AGBL1: variants seen among roughly 807,000 people sequenced by gnomAD.
AGBL1 encodes the protein AGBL carboxypeptidase 1.
Under a neutral mutation model 118.9 loss-of-function variants are expected in AGBL1, and 130 were observed. That is an observed-to-expected ratio of 1.09 (90% CI 0.95 to 1.26). The LOEUF (loss-of-function observed/expected upper bound fraction) is 1.26, where lower values mean the gene tolerates loss of function less well. Ranked by LOEUF, AGBL1 falls within the 50% of genes most tolerant of loss-of-function variation. The pLI is 0.00. For missense variants in AGBL1, 1,584 were observed against 1,298.1 expected (o/e 1.22, Z -3.38); for synonymous variants, 555 against 478.9 (o/e 1.16, Z -2.08).
intron 18 of AGBL1, among the ~76,000 whole-genome samples, chr15:86,474,090 T>C (rs1198022562): frequency 6.6e-6 from 1 of 152,100 alleles, no homozygotes; most frequent in Admixed American, 6.5e-5. Context: ...AGTAACTAGA[T>C]TGGGAGGTTC....
intron 1 of AGBL1, among the ~76,000 whole-genome samples, chr15:86,120,371 C>T (rs139482832): frequency 3.5e-4 from 53 of 152,324 alleles, no homozygotes; most frequent in African/African-American, 1.3e-3. Context: ...AGCCTGTCTC[C>T]AGGATGCCCA....
At chr15:86,461,116 G>T (rs1308416502) in intron 18 of AGBL1, among the ~76,000 whole-genome samples, 2 of 152,054 alleles carry the variant, frequency 1.3e-5, no homozygotes, top group African/African-American at 4.8e-5. Context: ...AACCACCCTG[G>T]GTGATTCTGA....
intron 17 of AGBL1, among the ~76,000 whole-genome samples, chr15:86,367,631 G>T (rs577696747): frequency 6.6e-6 from 1 of 152,010 alleles, no homozygotes; most frequent in Non-Finnish European, 1.5e-5. Flanking sequence ...GAAAAGAGAT[G>T]CATGGTAGGG....
chr15:86,161,623 G>C (rs1334885687), intron 5 of AGBL1, among the ~76,000 whole-genome samples: 1 of 152,048 alleles, frequency 6.6e-6, no homozygotes, highest in Non-Finnish European at 1.5e-5. Flanking sequence ...CATCTAAATG[G>C]CTTATACCCA....
intron 21 of AGBL1, among the ~76,000 whole-genome samples, chr15:86,637,079 C>T (rs373733134): frequency 2.0e-5 from 3 of 151,962 alleles, no homozygotes; most frequent in African/African-American, 7.3e-5. Flanking sequence ...GGAGCACCAT[C>T]CAATCATTTA....
intron 22 of AGBL1, among the ~76,000 whole-genome samples, chr15:86,682,409 T>A (rs545668755): frequency 6.6e-6 from 1 of 152,334 alleles, no homozygotes; most frequent in Admixed American, 6.5e-5. Flanking sequence ...ATGCTGATTC[T>A]TCTATAATAG....
At chr15:86,262,078 C>CTTTTTTTTTTTTTTTT (rs61365024) in intron 9 of AGBL1, among the ~76,000 whole-genome samples, 1,302 of 52,702 alleles carry the variant, frequency 0.025, 411 homozygotes, top group South Asian at 0.052. Flanking sequence ...GCATAGCTGG[C>CTTTTTTTTTTTTTTTT]TTTTTTTTTT....
chr15:86,877,664 G>A (rs2079829528), intron 22 of AGBL1, among the ~76,000 whole-genome samples: 2 of 152,136 alleles, frequency 1.3e-5, no homozygotes, highest in Admixed American at 1.3e-4. Context: ...GACCCTGGGA[G>A]ACAATGAGAT....
chr15:86,122,089 G>T (rs1372996612), intron 1 of AGBL1, among the ~76,000 whole-genome samples: 1 of 152,108 alleles, frequency 6.6e-6, no homozygotes, highest in Non-Finnish European at 1.5e-5. Flanking sequence ...TCCCTCCAAG[G>T]AACTGTCTCC....
intron 5 of AGBL1, among the ~76,000 whole-genome samples, chr15:86,218,601 A>T (rs1265518150): frequency 6.6e-6 from 1 of 152,186 alleles, no homozygotes; most frequent in Non-Finnish European, 1.5e-5. Context: ...TATATTACAT[A>T]ATTGTGTTAT....
intron 15 of AGBL1, among the ~76,000 whole-genome samples, chr15:86,272,008 G>A (rs935659776): frequency 1.3e-5 from 2 of 152,206 alleles, no homozygotes; most frequent in African/African-American, 2.4e-5. Context: ...CCTGTGATTA[G>A]TGTGTCAAGC....
chr15:86,103,039 A>G (rs961061499), intron 1 of AGBL1, among the ~76,000 whole-genome samples: 3 of 151,970 alleles, frequency 2.0e-5, no homozygotes, highest in African/African-American at 7.3e-5. Context: ...GTTTTTTTCC[A>G]AAGACCTGTT....
intron 1 of AGBL1, among the ~76,000 whole-genome samples, chr15:86,131,992 G>A (rs1430925586): frequency 6.6e-6 from 1 of 151,484 alleles, no homozygotes; most frequent in Non-Finnish European, 1.5e-5. Flanking sequence ...TGGGATGCCA[G>A]TTCATATCCT....
chr15:86,169,881 C>T (rs1348766142), intron 5 of AGBL1, among the ~76,000 whole-genome samples: 1 of 152,180 alleles, frequency 6.6e-6, no homozygotes. Context: ...AACCTTGAAT[C>T]ATAGAACTAC....
chr15:86,637,929 T>G (rs1034491704), intron 21 of AGBL1, among the ~76,000 whole-genome samples: 2 of 152,220 alleles, frequency 1.3e-5, no homozygotes, highest in Admixed American at 6.5e-5. Context: ...ATTTGCAATT[T>G]GTTTTCCCAG....
At chr15:86,080,791 T>A (rs1597368975) in intron 1 of AGBL1, among the ~76,000 whole-genome samples, 1 of 151,984 alleles carries the variant, frequency 6.6e-6, no homozygotes, top group Non-Finnish European at 1.5e-5. Context: ...CCATGTAGAT[T>A]TAAGGCTGAG....
In AGBL1 at chr15:86,436,998, C is replaced by CT. The variant is rs1167874796; in HGVS notation, c.2555+39455dup. Among the ~76,000 whole-genome samples, 3 of 149,310 alleles carry CT rather than the reference C, an allele frequency of 2.0e-5. No homozygotes were observed. In the East Asian group the frequency reaches 6.0e-4, roughly 30 times the overall value. ...ATTGTGCAGACGGATTTGAGCAGGA[C>CT]TTTGTTTTTTTTTTTTGCATCAAAT... is the stretch of plus-strand genomic sequence containing the variant. On this transcript the variant is annotated intron_variant, in intron 18 of 22. Transcript: ENST00000614907.
intron 22 of AGBL1, among the ~76,000 whole-genome samples, chr15:86,899,285 G>A (rs2080177784): frequency 6.6e-6 from 1 of 152,122 alleles, no homozygotes; most frequent in Non-Finnish European, 1.5e-5. Flanking sequence ...TAAAGCAAGA[G>A]CAGAAAACCA....
chr15:86,745,842 C>A (rs991889515), intron 22 of AGBL1, among the ~76,000 whole-genome samples: 3 of 151,962 alleles, frequency 2.0e-5, no homozygotes, highest in Non-Finnish European at 4.4e-5. Context: ...CTGGAGAACC[C>A]CAGGCACTTG....
Sources: allele counts gnomAD v4.1 joint callset (sites outside exome capture counted in the v4.1 genomes callset), GRCh38; gene constraint gnomAD v4.1.1; transcripts MANE v1.5; gene names NCBI Gene and HGNC (gene_info 2026-07-23, HGNC 2026-07-21).